The following RAD52 variants were observed in gnomAD, a reference collection of about 807,000 sequenced individuals.
RAD52 encodes RAD52 DNA repair protein.
RAD52 carries 47 observed loss-of-function variants against 55.5 expected under a neutral mutation model. That is an observed-to-expected ratio of 0.85 (90% confidence interval 0.67 to 1.08). The LOEUF (loss-of-function observed/expected upper bound fraction) is 1.08. Ranked by LOEUF, RAD52 falls within the 50% of genes least tolerant of loss-of-function variation. The probability of loss-of-function intolerance (pLI) is 0.00; values close to 1 mark genes in which losing one functional copy is unlikely to be tolerated. For missense variants in RAD52, 468 were observed against 522.8 expected (o/e 0.90, Z 1.02); for synonymous variants, 184 against 198.9 (o/e 0.92, Z 0.63).
At chr12:937,599 T>A (rs1445301711) in intron 1 of RAD52, among the ~76,000 whole-genome samples, 1 of 152,134 alleles carries the variant, frequency 6.6e-6, no homozygotes, top group Non-Finnish European at 1.5e-5. Flanking sequence ...CTAATTTTTG[T>A]ATTTTTAGTA....
intron 1 of RAD52, among the ~76,000 whole-genome samples, chr12:935,110 A>G (rs1396686814): frequency 6.6e-6 from 1 of 151,824 alleles, no homozygotes; most frequent in African/African-American, 2.4e-5. Context: ...ACAAGACTCC[A>G]TCTCAAAAAT....
At chr12:986,161 C>T (rs140948628) in intron 1 of RAD52, among the ~76,000 whole-genome samples, 4,454 of 151,440 alleles carry the variant, frequency 0.029, 93 homozygotes, top group South Asian at 0.09. Context: ...CTTGAACTCC[C>T]GACCTCAGGT....
chr12:958,089 C>T lies in RAD52; in HGVS notation c.-18-25013G>A, dbSNP rs57439221. ...TCCCAGCCCAGAGGTAAGGGGGCTCCGGGGCTGGGAGGAACATGGGGCTCC... is the reference window on the plus strand; with the variant it reads ...TCCCAGCCCAGAGGTAAGGGGGCTCTGGGGCTGGGAGGAACATGGGGCTCC... On this transcript the variant is annotated intron_variant, in intron 1 of 11. Coordinates refer to the RAD52 transcript ENST00000430095. 2.4e-4 allele frequency among the ~76,000 whole-genome samples: 37 copies of T among 152,284 alleles called. No individual in the cohort carries two copies. The East Asian group carries it at 5.4e-3, about 22-fold the overall frequency.
At chr12:947,241 G>T (rs572064961) in intron 1 of RAD52, among the ~76,000 whole-genome samples, 1 of 152,008 alleles carries the variant, frequency 6.6e-6, no homozygotes, top group Non-Finnish European at 1.5e-5. Flanking sequence ...CAGGAGAATC[G>T]CTTGAATCCA....
chr12:932,182 C>T (rs991323211), intron 2 of RAD52, among the ~76,000 whole-genome samples: 6 of 151,920 alleles, frequency 3.9e-5, no homozygotes, highest in African/African-American at 1.5e-4. Flanking sequence ...ATGGTGAAAC[C>T]ACATCTCTAC....
At chr12:973,782 C>CTTTTTTTTTTTTT (rs750425355) in intron 1 of RAD52, among the ~76,000 whole-genome samples, 17 of 113,478 alleles carry the variant, frequency 1.5e-4, no homozygotes, top group African/African-American at 5.9e-4. Context: ...CCCAGTCCTT[C>CTTTTTTTTTTTTT]TTTTTTTTTT....
chr12:926,579 C>A (rs1247951328), intron 6 of RAD52, among the ~76,000 whole-genome samples: 5 of 152,126 alleles, frequency 3.3e-5, no homozygotes, highest in Admixed American at 2.6e-4. Context: ...CCCTCTCTCT[C>A]CACGTTCCCT....
At chr12:927,774 G>A (rs1236440000) in intron 5 of RAD52, among the ~76,000 whole-genome samples, 1 of 152,090 alleles carries the variant, frequency 6.6e-6, no homozygotes, top group Non-Finnish European at 1.5e-5. Context: ...ACTGAGGCAG[G>A]AGAATCACTT....
chr12:972,793 C>T (rs550475219), intron 1 of RAD52, among the ~76,000 whole-genome samples: 6 of 144,562 alleles, frequency 4.2e-5, no homozygotes, highest in Admixed American at 1.4e-4. Context: ...AAAAAAGGGC[C>T]GCTCTTGAGG....
At chr12:984,704 G>A (rs1306429367) in intron 1 of RAD52, among the ~76,000 whole-genome samples, 3 of 147,608 alleles carry the variant, frequency 2.0e-5, no homozygotes, top group South Asian at 2.1e-4. Flanking sequence ...TTGCTCTGTC[G>A]CCCAGGCTGG....
chr12:930,033 G>A lies in RAD52; in HGVS notation c.280+18C>T. 1 of 1,609,146 alleles carries A rather than the reference G, an allele frequency of 6.2e-7. No homozygotes were observed. Among genetic ancestry groups the A allele is most frequent in the South Asian group, 1.1e-5 (1 of 91,002 alleles). ...GCTGGACAGTGCAGAAGTCCCCACT[G>A]CTGGAGAGCATACTCACCCACATTC... is the stretch of plus-strand genomic sequence containing the variant. On this transcript the variant is annotated intron_variant, in intron 4 of 11. Coordinates refer to ENST00000358495, the MANE Select transcript of RAD52 (RefSeq NM_134424.4).
chr12:985,450 T>G (rs146843951), intron 1 of RAD52, among the ~76,000 whole-genome samples: 58 of 152,320 alleles, frequency 3.8e-4, no homozygotes, highest in Middle Eastern at 3.4e-3. Context: ...TGGTCTCAAT[T>G]TTTTTCTTTT....
At chr12:987,554 T>A (rs12823404) in intron 1 of RAD52, among the ~76,000 whole-genome samples, 2 of 151,488 alleles carry the variant, frequency 1.3e-5, no homozygotes, top group Non-Finnish European at 2.9e-5. Flanking sequence ...TGTATATTTA[T>A]TGTTTTCTTT....
chr12:913,505 G>T, intron 11 of RAD52, 53 bp from the exon 12 acceptor site: 1 of 1,270,416 alleles, frequency 7.9e-7, no homozygotes, highest in Non-Finnish European at 1.1e-6. Context: ...AAAATAAACT[G>T]ACAGCTAATG....
rs55763412 is a variant in RAD52, at chr12:913,790, C to T, written c.1195+104G>A. ...AGTACCATTCCCTAATAGAAGTTCC[C>T]GATTCTATCAAACTTTAAATGAAAT... On this transcript the variant is annotated intron_variant, in intron 11 of 11. Transcript: ENST00000358495. 1,281 of 1,089,258 alleles carry T rather than the reference C, an allele frequency of 1.2e-3. 18 individuals are homozygous for T. In the African/African-American group the frequency reaches 0.018, roughly 15 times the overall value. The allele number at this position is 1,089,258 out of a possible 1,614,324, so 67.5% of individuals were successfully genotyped here.
At chr12:928,196 A>C (rs997711690) in intron 5 of RAD52, among the ~76,000 whole-genome samples, 2 of 152,174 alleles carry the variant, frequency 1.3e-5, no homozygotes, top group Admixed American at 1.3e-4. Context: ...TCAGAATAGA[A>C]TTAATGCTGA....
intron 1 of RAD52, among the ~76,000 whole-genome samples, chr12:948,594 G>A (rs972162924): frequency 1.2e-4 from 18 of 152,266 alleles, no homozygotes; most frequent in Non-Finnish European, 2.1e-4. Flanking sequence ...GGAGGCGGAC[G>A]TTGCAGTGAG....
intron 1 of RAD52, among the ~76,000 whole-genome samples, chr12:941,320 A>G (rs1032265264): frequency 2.6e-5 from 4 of 152,114 alleles, no homozygotes; most frequent in African/African-American, 9.7e-5. Context: ...CAGAACTAAA[A>G]GAATTTTTTT....
upstream of RAD52, chr12:990,948 T>TGTCA (rs1555185824): frequency 1.3e-4 from 4 of 31,122 alleles, no homozygotes; most frequent in Non-Finnish European, 1.8e-4. Context: ...TGTGTGTGTG[T>TGTCA]GTGAGTGTGT....
Sources: allele counts gnomAD v4.1 joint callset (sites outside exome capture counted in the v4.1 genomes callset), GRCh38; gene constraint gnomAD v4.1.1; transcripts MANE v1.5; gene names NCBI Gene and HGNC (gene_info 2026-07-23, HGNC 2026-07-21).